HUWE1: variants seen among roughly 807,000 people sequenced by gnomAD.
HUWE1 encodes E3 ubiquitin-protein ligase HUWE1.
HUWE1 carries 18 observed loss-of-function variants against 299.4 expected under a neutral mutation model. The ratio of observed to expected loss-of-function variants is 0.06; its 90% CI spans 0.04 to 0.09. The LOEUF is 0.09. Among genes scored for constraint, HUWE1 ranks in the 10% least tolerant of loss-of-function variants. The pLI, the probability that HUWE1 is intolerant of heterozygous loss-of-function variation, is 1.00. For synonymous variants in HUWE1, 1,317 were observed against 1,286.1 expected, an observed-to-expected ratio of 1.02 and a Z score of -0.51; for missense variants, 1,832 against 3,462.3, an observed-to-expected ratio of 0.53 and a Z score of 11.82.
chrX:53,637,883 C>T (rs1381973293), intron 7 of HUWE1, among the ~76,000 whole-genome samples: 4 of 111,469 alleles, frequency 3.6e-5, no homozygotes, highest in East Asian at 2.8e-4. Flanking sequence ...AAGTTTGTTT[C>T]GCTGCCAACA....
intron 7 of HUWE1, among the ~76,000 whole-genome samples, chrX:53,641,333 C>T (rs1686522226): frequency 8.9e-6 from 1 of 111,973 alleles, no homozygotes; most frequent in Non-Finnish European, 1.9e-5. Flanking sequence ...CAGCAACTCA[C>T]CCTGATTCAT....
intron 18 of HUWE1, among the ~76,000 whole-genome samples, 169 bp from the exon 19 acceptor site, chrX:53,624,844 G>C (rs1557015626): frequency 8.9e-6 from 1 of 111,768 alleles, no homozygotes; most frequent in Non-Finnish European, 1.9e-5. Flanking sequence ...ATTTGTCCAT[G>C]CAATAGGCTT....
At chrX:53,614,962 C>A (rs1009656354) in intron 22 of HUWE1, among the ~76,000 whole-genome samples, 27 of 108,925 alleles carry the variant, frequency 2.5e-4, no homozygotes, top group African/African-American at 8.7e-4. Context: ...GAGCGTCACA[C>A]GGCTGTATAA....
At chrX:53,653,957 G>T in intron 4 of HUWE1, 106 bp downstream of exon 4, 1 of 561,465 alleles carries the variant, frequency 1.8e-6, no homozygotes, top group Non-Finnish European at 2.9e-6. Context: ...ACTGCCTTTT[G>T]TATATATGGG....
intron 70 of HUWE1, 147 bp downstream of exon 70, chrX:53,546,289 G>A: frequency 3.5e-6 from 2 of 566,574 alleles, no homozygotes; most frequent in African/African-American, 2.2e-5. Context: ...AGGGTAATCT[G>A]TGTTACGACA....
At chrX:53,622,624 A>G (rs1158269479) in intron 19 of HUWE1, among the ~76,000 whole-genome samples, 1 of 111,302 alleles carries the variant, frequency 9.0e-6, no homozygotes, top group Non-Finnish European at 1.9e-5. Context: ...GAAGCCCTCA[A>G]TGAGGGACAA....
intron 3 of HUWE1, among the ~76,000 whole-genome samples, chrX:53,676,747 G>A (rs965322410): frequency 8.9e-6 from 1 of 111,739 alleles, no homozygotes; most frequent in Non-Finnish European, 1.9e-5. Flanking sequence ...CTAAGGATCA[G>A]AACTGCAATG....
chrX:53,627,337 G>A, intron 17 of HUWE1, 73 bp downstream of exon 17: 1 of 648,311 alleles, frequency 1.5e-6, no homozygotes, highest in South Asian at 2.4e-5. Context: ...AATTTATGAG[G>A]AAGAATGAAA....
intron 9 of HUWE1, 29 bp from the exon 10 acceptor site, chrX:53,631,643 A>T: frequency 9.2e-7 from 1 of 1,088,758 alleles, no homozygotes; most frequent in Non-Finnish European, 1.3e-6. Context: ...AGAGAGCTGT[A>T]AGGAGTCACT....
chrX:53,584,093 A>T, intron 41 of HUWE1, 93 bp downstream of exon 41: 1 of 905,566 alleles, frequency 1.1e-6, no homozygotes, highest in Non-Finnish European at 1.6e-6. Context: ...TTAATCTGTT[A>T]ATCAAGCTGA....
chrX:53,542,138 G>A (rs1466538860), intron 74 of HUWE1, among the ~76,000 whole-genome samples: 1 of 112,050 alleles, frequency 8.9e-6, no homozygotes, highest in Non-Finnish European at 1.9e-5. Context: ...AGCAGACATC[G>A]TGCCACTGCA....
chrX:53,556,760 G>A (rs1384832887), intron 60 of HUWE1, among the ~76,000 whole-genome samples: 2 of 111,877 alleles, frequency 1.8e-5, no homozygotes, highest in Non-Finnish European at 3.8e-5. Flanking sequence ...AGAACAAAAA[G>A]TAGAGACTAA....
At chrX:53,623,102 G>A (rs1246777414) in intron 19 of HUWE1, among the ~76,000 whole-genome samples, 5 of 111,163 alleles carry the variant, frequency 4.5e-5, no homozygotes, top group Admixed American at 2.9e-4. Flanking sequence ...TCCTGCCCGT[G>A]TCCCTCACTT....
At chrX:53,601,800 C>G (rs904201989) in intron 28 of HUWE1, among the ~76,000 whole-genome samples, 1 of 109,118 alleles carries the variant, frequency 9.2e-6, no homozygotes, top group African/African-American at 3.3e-5. Flanking sequence ...TCCCGAGTAG[C>G]TGGGATTATA....
rs1241199857 is a variant in HUWE1, at chrX:53,648,386, C to T, written c.46-76G>A. ...AAATAAGGAGAATCAGAAAAGGAAC[C>T]CTTAAGCTCACACAGCAATTTTCCT... On this transcript the variant is annotated intron_variant, in intron 4 of 83. Coordinates refer to ENST00000262854, the MANE Select transcript of HUWE1 (RefSeq NM_031407.7). 6 of 591,942 alleles carry T rather than the reference C, an allele frequency of 1.0e-5. No homozygotes were observed. In the South Asian group the frequency reaches 1.4e-4, roughly 14 times the overall value. The allele number at this position is 591,942 out of a possible 1,213,427, so 48.8% of individuals were successfully genotyped here.
At chrX:53,584,131 A>G in intron 41 of HUWE1, 55 bp downstream of exon 41, 1 of 1,110,857 alleles carries the variant, frequency 9.0e-7, no homozygotes, top group Non-Finnish European at 1.2e-6. Flanking sequence ...GAAATTGGCC[A>G]GACCTTAAGC....
At chrX:53,628,927 T>C (rs782350060) in intron 13 of HUWE1, 25 bp from the exon 14 acceptor site, 12 of 1,152,995 alleles carry the variant, frequency 1.0e-5, no homozygotes, top group Non-Finnish European at 1.4e-5. Context: ...GGTAAACACA[T>C]AATGTGTCAA....
chrX:53,546,762 G>A lies in HUWE1; in HGVS notation c.10700C>T (p.Thr3567Ile). 2 of 1,210,393 alleles carry A rather than the reference G, an allele frequency of 1.7e-6. No homozygotes were observed. The highest frequency in any genetic ancestry group is 4.3e-5 in the Admixed American group (2 of 46,011). ...AKVSDGGSSSTDFKMVSSGLT... is the reference protein window; with the variant it reads ...AKVSDGGSSSIDFKMVSSGLT... ...GCCAGAGGACACCATCTTAAAGTCT[G>A]TACTGCTGCTGCCCCCATCACTCAC... is the stretch of plus-strand genomic sequence containing the variant. Residue 3567 changes from threonine (T) to isoleucine (I), a missense_variant, in exon 69 of 84, where the codon ACA becomes ATA. Transcript: ENST00000262854.
chrX:53,627,759 T>C lies in HUWE1; in HGVS notation c.1363A>G (p.Ile455Val), dbSNP rs1557019212. The part of the protein sequence containing the change: ...AAFQSHSGLS[I>V]FIYRLEHEVD... ...AATACCTCAAGTCTATAAATGAAGA[T>C]AGAAAGTCCACTATGGGATTGAAAA... The change falls in exon 16 of 84, where the codon ATC (isoleucine) becomes GTC (valine). Residue 455 changes from isoleucine to valine, a missense_variant. Transcript: ENST00000262854. 3.3e-6 allele frequency: 4 copies of C among 1,202,263 alleles called. No individual in the cohort carries two copies. Among genetic ancestry groups the C allele is most frequent in the African/African-American group, 1.7e-5 (1 of 57,439 alleles).
Sources: allele counts gnomAD v4.1 joint callset (sites outside exome capture counted in the v4.1 genomes callset), GRCh38; gene constraint gnomAD v4.1.1; transcripts MANE v1.5; gene names NCBI Gene and HGNC (gene_info 2026-07-23, HGNC 2026-07-21).